The following RYR1 variants were observed in gnomAD, a reference collection of about 807,000 sequenced individuals.
The protein encoded by RYR1 is ryanodine receptor 1.
A neutral mutation model predicts 583.5 loss-of-function variants in RYR1; 342 were observed. That is an observed-to-expected ratio of 0.59 (90% CI 0.54 to 0.64). The LOEUF is 0.64. Among genes scored for constraint, RYR1 ranks in the 30% least tolerant of loss-of-function variants. The pLI, the probability that RYR1 is intolerant of heterozygous loss-of-function variation, is 0.00. For synonymous variants in RYR1, 2,791 were observed against 2,822.5 expected (o/e 0.99, Z 0.35); for missense variants, 6,032 against 6,917.2 (o/e 0.87, Z 4.54).
Position 38,500,502 on chromosome 19 carries a change from G to C in RYR1, c.7324-104G>C. 6.5e-7 allele frequency: 1 copy of C among 1,532,184 alleles called. No individual in the cohort carries two copies. Among genetic ancestry groups the C allele is most frequent in the Non-Finnish European group, 9.0e-7 (1 of 1,115,222 alleles). The allele number at this position is 1,532,184 out of a possible 1,614,324, so 94.9% of individuals were successfully genotyped here. A position where few individuals can be genotyped will look rare whatever the true frequency, so the allele number is the denominator to read the frequency against. On this transcript the variant is annotated intron_variant, in intron 45 of 105. Coordinates refer to ENST00000359596, the MANE Select transcript of RYR1 (RefSeq NM_000540.3). The surrounding 1 kb of genome is among the most constrained non-coding windows in gnomAD (Gnocchi z 5.9). ...AAACTCTAGACAGCCTCCTGAGAAA[G>C]AGGCCTGCTCTACCCTCCTGTGTGG...
chr19:38,459,064 T>C (rs1967586443), intron 18 of RYR1, 82 bp from the exon 19 acceptor site: 1 of 1,257,268 alleles, frequency 8.0e-7, no homozygotes, highest in Non-Finnish European at 1.2e-6. Context: ...CACAGGAGCC[T>C]CCAATATCTG....
Position 38,523,996 on chromosome 19 carries a change from C to A in RYR1, c.10455+67C>A, listed in dbSNP as rs546756637. The A allele has an allele frequency of 5.1e-6, 8 of 1,579,388 alleles. No homozygotes were observed. In the East Asian group the frequency reaches 1.6e-4, roughly 31 times the overall value. ...ATGCCCTCTTCCCCCAGCCTCTGCA[C>A]GCCCCCGCCTCGAGAAAACCCCTGC... On this transcript the variant is annotated intron_variant, in intron 70 of 105. Transcript: ENST00000359596.
chr19:38,444,383 T>C lies in RYR1; in HGVS notation c.537+122T>C. 1 of 914,522 alleles carries C rather than the reference T, an allele frequency of 1.1e-6. No individual in the cohort carries two copies. The highest frequency in any genetic ancestry group is 1.8e-6 in the Non-Finnish European group (1 of 566,800). The allele number at this position is 914,522 out of a possible 1,614,324, so 56.7% of individuals were successfully genotyped here. A position where few individuals can be genotyped will look rare whatever the true frequency, so the allele number is the denominator to read the frequency against. ...CAAGGTCCTGACTCCCAATTTCCCA[T>C]TTCCTGACCCCTGACATCCAATTTT... On this transcript the variant is annotated intron_variant, in intron 6 of 105. Coordinates refer to ENST00000359596, the MANE Select transcript of RYR1 (RefSeq NM_000540.3). This position sits in a 1 kb window ranked among gnomAD's most constrained non-coding sequence, Gnocchi z 5.1.
chr19:38,579,546 C>T (rs968297072), intron 99 of RYR1, among the ~76,000 whole-genome samples: 33 of 149,072 alleles, frequency 2.2e-4, no homozygotes, highest in Non-Finnish European at 3.1e-4. Context: ...GCTGAGATTG[C>T]GCCATAGCAT....
chr19:38,441,307 A>G (rs1342339596), intron 2 of RYR1, among the ~76,000 whole-genome samples: 1 of 151,224 alleles, frequency 6.6e-6, no homozygotes, highest in African/African-American at 2.4e-5. Context: ...GACCTGGAGC[A>G]CAAGGAGGAG....
rs769684535 is a variant in RYR1 at position 38,504,769 on chromosome 19, C to T, written c.8089C>T (p.Arg2697Cys). 10 of 1,614,002 alleles carry T rather than the reference C, an allele frequency of 6.2e-6. No homozygotes were observed. Among genetic ancestry groups the T allele is most frequent in the East Asian group, 2.2e-5 (1 of 44,892 alleles). The part of the protein sequence containing the change: ...AHKKYDPELY[R>C]MAMPCLCAIA... ...CCAGAAATACGACCCGGAGCTGTACCGCATGGCCATGCCTTGTCTGTGCGC... is the reference window on the plus strand; with the variant it reads ...CCAGAAATACGACCCGGAGCTGTACTGCATGGCCATGCCTTGTCTGTGCGC... The change falls in exon 51 of 106, where the codon CGC becomes TGC. Residue 2697 changes from arginine (R) to cysteine (C), a missense_variant. This residue lies in a region of RYR1 where 1,493 missense variants were observed against 1,715.5 expected (regional missense o/e 0.87). Transcript: ENST00000359596.
rs748743312 is a variant in RYR1, at chr19:38,565,684, G to A, written c.13350G>A (p.Gly4450=). 83 of 1,408,552 alleles carry A rather than the reference G, an allele frequency of 5.9e-5. No homozygotes were observed. The highest frequency in any genetic ancestry group is 5.1e-4 in the Middle Eastern group (2 of 3,942). 87.3% of individuals were successfully genotyped at this position (1,408,552 alleles called of 1,614,324 possible). The part of the protein sequence containing the change: ...VTDGGPFRPE[G]AGGLGDMGDT... ...ATGGGGGCCCCTTCCGGCCCGAAGG[G>A]GCTGGCGGTCTCGGGGACATGGGGG... Residue 4450 remains glycine, a synonymous_variant, in exon 91 of 106, where the codon GGG becomes GGA. Transcript: ENST00000359596. This position sits in a 1 kb window ranked among gnomAD's most constrained non-coding sequence, Gnocchi z 4.7.
intron 28 of RYR1, among the ~76,000 whole-genome samples, chr19:38,475,069 AT>A (rs1353113859): frequency 6.6e-6 from 1 of 152,194 alleles, no homozygotes; most frequent in East Asian, 1.9e-4. Context: ...GGACCCCCAT[AT>A]AACCCAGTGG....
At chr19:38,533,217 G>C (rs111403204) in intron 78 of RYR1, among the ~76,000 whole-genome samples, 3,454 of 152,232 alleles carry the variant, frequency 0.023, 94 homozygotes, top group Admixed American at 0.073. Context: ...TACGTAGGGA[G>C]AATAGTATAT....
chr19:38,567,332 GA>G (rs201068971), intron 92 of RYR1, among the ~76,000 whole-genome samples: 1 of 150,418 alleles, frequency 6.6e-6, no homozygotes, highest in East Asian at 1.9e-4. Context: ...TGTCGAAAAA[GA>G]AAAAAAAATA....
intron 58 of RYR1, among the ~76,000 whole-genome samples, chr19:38,508,297 C>T (rs544034311): frequency 6.6e-6 from 1 of 152,222 alleles, no homozygotes; most frequent in African/African-American, 2.4e-5. Flanking sequence ...GCAACCTCTG[C>T]TTTCTGGTTT....
At chr19:38,548,889 G>T (rs1194816808) in intron 89 of RYR1, among the ~76,000 whole-genome samples, 2 of 152,120 alleles carry the variant, frequency 1.3e-5, no homozygotes, top group Admixed American at 1.3e-4. Context: ...GCCCCCTTGG[G>T]TTATTTTGAG....
At chr19:38,473,816 G>T (rs1457568679) in intron 28 of RYR1, 45 bp downstream of exon 28, 1 of 1,417,586 alleles carries the variant, frequency 7.1e-7, no homozygotes, top group Non-Finnish European at 9.4e-7. Flanking sequence ...GCTGCCTTGG[G>T]ACCCCCAAGT....
chr19:38,552,948 G>C (rs1972727699), intron 89 of RYR1, among the ~76,000 whole-genome samples: 1 of 152,190 alleles, frequency 6.6e-6, no homozygotes, highest in African/African-American at 2.4e-5. Flanking sequence ...ACATTTTACA[G>C]CTCAACATCT....
Position 38,580,133 on chromosome 19 carries a change from G to T in RYR1, c.14511+5G>T, listed in dbSNP as rs762711565. On this transcript the variant is annotated splice_donor_5th_base_variant and intron_variant, in intron 100 of 105. Transcript: ENST00000359596. Reference sequence around the variant, plus strand: ...GTCACCCACAATGGGAAACAGGTGTGGGGAGGACCTGGCTGTGGGGCGTGG... The same window carrying T: ...GTCACCCACAATGGGAAACAGGTGTTGGGAGGACCTGGCTGTGGGGCGTGG... 1 of 1,614,172 alleles carries T rather than the reference G, an allele frequency of 6.2e-7. No homozygotes were observed. The highest frequency in any genetic ancestry group is 1.1e-5 in the South Asian group (1 of 91,084).
chr19:38,457,406 C>G (rs1967470886), intron 16 of RYR1, 91 bp from the exon 17 acceptor site: 1 of 1,587,038 alleles, frequency 6.3e-7, no homozygotes, highest in African/African-American at 1.3e-5. Context: ...ATGCGCTGTC[C>G]TTTCCTCCTG....
chr19:38,518,149 AGAAG>A (rs1203908907), intron 66 of RYR1, among the ~76,000 whole-genome samples: 3 of 151,982 alleles, frequency 2.0e-5, no homozygotes, highest in Non-Finnish European at 4.4e-5. Context: ...AAGGAAAGAA[AGAAG>A]GAAGGATGGA....
At chr19:38,573,429 C>T (rs543338540) in intron 96 of RYR1, 122 bp downstream of exon 96, 1,007 of 1,300,352 alleles carry the variant, frequency 7.7e-4, no homozygotes, top group South Asian at 1.2e-3. Context: ...CACCTGTAAT[C>T]CCGGCACTTT....
chr19:38,500,815 C>T lies in RYR1; in HGVS notation c.7445-6C>T, dbSNP rs746134057. 6.2e-7 allele frequency: 1 copy of T among 1,614,076 alleles called. No individual in the cohort carries two copies. The highest frequency in any genetic ancestry group is 8.5e-7 in the Non-Finnish European group (1 of 1,180,002). On this transcript the variant is annotated splice_region_variant and splice_polypyrimidine_tract_variant and intron_variant, in intron 46 of 105. Coordinates refer to ENST00000359596, the MANE Select transcript of RYR1 (RefSeq NM_000540.3). The surrounding 1 kb of genome is among the most constrained non-coding windows in gnomAD (Gnocchi z 5.9). Reference sequence around the variant, plus strand: ...GCATCCCCGAACCCACCCTCCCTGCCTGCAGATGGGGCTCTGGTGCAGCCA... The same window carrying T: ...GCATCCCCGAACCCACCCTCCCTGCTTGCAGATGGGGCTCTGGTGCAGCCA...
Sources: allele counts gnomAD v4.1 joint callset (sites outside exome capture counted in the v4.1 genomes callset), GRCh38; gene constraint gnomAD v4.1.1; regional missense constraint gnomAD v4.1.1; non-coding constraint Gnocchi (gnomAD v3.1); transcripts MANE v1.5; gene names NCBI Gene and HGNC (gene_info 2026-07-23, HGNC 2026-07-21).